OSBPL10: variants seen among roughly 807,000 people sequenced by gnomAD.
OSBPL10 encodes oxysterol binding protein like 10.
A neutral mutation model predicts 81.7 loss-of-function variants in OSBPL10; 49 were observed. The ratio of observed to expected loss-of-function variants is 0.60; its 90% CI spans 0.48 to 0.76. OSBPL10 has a LOEUF of 0.76. Among genes scored for constraint, OSBPL10 ranks in the 30% least tolerant of loss-of-function variants. OSBPL10 has a pLI of 0.00. For synonymous variants in OSBPL10, 419 were observed against 383.6 expected (o/e 1.09, Z -1.08); for missense variants, 923 against 987.8 (o/e 0.93, Z 0.88).
chr3:31,876,308 GAA>G (rs1701468414), intron 3 of OSBPL10, 123 bp downstream of exon 3: 1 of 738,798 alleles, frequency 1.4e-6, no homozygotes, highest in African/African-American at 1.8e-5. Flanking sequence ...GGACAAGTAG[GAA>G]TTCCACTGCA....
At chr3:31,935,308 A>G (rs1419763314) in intron 1 of OSBPL10, among the ~76,000 whole-genome samples, 1 of 152,144 alleles carries the variant, frequency 6.6e-6, no homozygotes, top group East Asian at 1.9e-4. Context: ...TTCAAAATAC[A>G]TATTTGATGT....
intron 4 of OSBPL10, among the ~76,000 whole-genome samples, chr3:31,765,584 G>A (rs532316488): frequency 1.3e-5 from 2 of 152,158 alleles, no homozygotes; most frequent in South Asian, 2.1e-4. Context: ...TCCTCCCTTC[G>A]GACAGGTAAG....
intron 1 of OSBPL10, among the ~76,000 whole-genome samples, chr3:31,882,546 C>G (rs1695612232): frequency 6.6e-6 from 1 of 152,250 alleles, no homozygotes; most frequent in African/African-American, 2.4e-5. Flanking sequence ...CTACCATCAA[C>G]AAATCCCTTT....
At chr3:32,005,875 C>T (rs894675442) in intron 2 of OSBPL10, among the ~76,000 whole-genome samples, 18 of 152,148 alleles carry the variant, frequency 1.2e-4, no homozygotes, top group South Asian at 2.1e-4. Context: ...GGTGAGCCAC[C>T]GTGCCCAGCC....
intron 4 of OSBPL10, among the ~76,000 whole-genome samples, chr3:31,783,833 T>A (rs1216665190): frequency 1.0e-3 from 81 of 79,712 alleles, no homozygotes; most frequent in Non-Finnish European, 1.2e-3. Flanking sequence ...AATATATATA[T>A]ATATATATAT....
chr3:31,847,970 A>G (rs1184652177), intron 3 of OSBPL10, among the ~76,000 whole-genome samples: 1 of 152,116 alleles, frequency 6.6e-6, no homozygotes. Flanking sequence ...GACAAGCTGA[A>G]GGAGTGAAGC....
At chr3:31,731,304 A>G (rs969034190) in intron 6 of OSBPL10, among the ~76,000 whole-genome samples, 2 of 152,080 alleles carry the variant, frequency 1.3e-5, no homozygotes, top group African/African-American at 4.8e-5. Context: ...ATTCTACTCC[A>G]TAAGACTTTC....
intron 4 of OSBPL10, among the ~76,000 whole-genome samples, chr3:31,760,238 G>A (rs1221563983): frequency 6.6e-6 from 1 of 152,160 alleles, no homozygotes; most frequent in Non-Finnish European, 1.5e-5. Context: ...AGAGTTGGAG[G>A]AGGTGAAAGG....
At chr3:31,679,781 A>G (rs1240523883) in intron 8 of OSBPL10, among the ~76,000 whole-genome samples, 2 of 152,218 alleles carry the variant, frequency 1.3e-5, no homozygotes, top group Non-Finnish European at 2.9e-5. Context: ...TCATAGCACG[A>G]GCCAAGCCCA....
At chr3:31,842,110 G>A (rs761134470) in intron 3 of OSBPL10, among the ~76,000 whole-genome samples, 17 of 152,192 alleles carry the variant, frequency 1.1e-4, no homozygotes, top group African/African-American at 1.4e-4. Context: ...GCAAGCCTAC[G>A]CTTGATGAAT....
At chr3:31,670,693 G>A in intron 9 of OSBPL10, 104 bp downstream of exon 9, 1 of 1,286,376 alleles carries the variant, frequency 7.8e-7, no homozygotes, top group Non-Finnish European at 1.1e-6. Flanking sequence ...AGTTTATCTT[G>A]ATTTTCAACT....
intron 5 of OSBPL10, among the ~76,000 whole-genome samples, chr3:31,744,169 C>G (rs1000142340): frequency 6.6e-6 from 1 of 152,174 alleles, no homozygotes; most frequent in Non-Finnish European, 1.5e-5. Context: ...GACAAGGAAA[C>G]AAAGTAGTGA....
intron 2 of OSBPL10, among the ~76,000 whole-genome samples, chr3:31,992,774 A>G (rs920805218): frequency 6.6e-6 from 1 of 152,204 alleles, no homozygotes; most frequent in African/African-American, 2.4e-5. Flanking sequence ...CAGGAACATC[A>G]CTTGAGGCTG....
At chr3:31,982,338 G>A (rs1180988292), upstream of OSBPL10, among the ~76,000 whole-genome samples, 1 of 152,048 alleles carries the variant, frequency 6.6e-6, no homozygotes, top group Non-Finnish European at 1.5e-5. Flanking sequence ...AAAAAGCTTT[G>A]AGGAACTCAG....
At chr3:31,953,570 G>A (rs1697928681) in intron 1 of OSBPL10, among the ~76,000 whole-genome samples, 1 of 151,940 alleles carries the variant, frequency 6.6e-6, no homozygotes, top group Non-Finnish European at 1.5e-5. Flanking sequence ...ACCACACCTG[G>A]CTAATTTTTG....
intron 1 of OSBPL10, 140 bp from the exon 2 acceptor site, chr3:31,879,970 G>A: frequency 1.1e-6 from 1 of 870,100 alleles, no homozygotes; most frequent in Non-Finnish European, 1.7e-6. Flanking sequence ...CCTCCCAGAT[G>A]CCCATAGAAG....
chr3:31,702,236 G>A, intron 7 of OSBPL10, 123 bp downstream of exon 7: 6 of 1,164,940 alleles, frequency 5.2e-6, no homozygotes, highest in Non-Finnish European at 7.2e-6. Context: ...AGCAATGCTG[G>A]CCTTTTTCCC....
chr3:32,005,843 T>C (rs1361654563), intron 2 of OSBPL10, among the ~76,000 whole-genome samples: 1 of 152,202 alleles, frequency 6.6e-6, no homozygotes, highest in Non-Finnish European at 1.5e-5. Flanking sequence ...ACCTCAGGAC[T>C]CCCAAAGTGC....
chr3:31,674,310 TTGGGAGGTGGAAG>T (rs1333725964), intron 8 of OSBPL10, among the ~76,000 whole-genome samples: 1 of 151,966 alleles, frequency 6.6e-6, no homozygotes, highest in Non-Finnish European at 1.5e-5. Context: ...TCCCAGCACT[TTGGGAGGTGGAAG>T]TGGGAGGATG....
Sources: allele counts gnomAD v4.1 joint callset (sites outside exome capture counted in the v4.1 genomes callset), GRCh38; gene constraint gnomAD v4.1.1; transcripts MANE v1.5; gene names NCBI Gene and HGNC (gene_info 2026-07-23, HGNC 2026-07-21).